Variants in METTL24 observed in about 807,000 individuals in gnomAD.
The protein encoded by METTL24 is methyltransferase like 24, also known as probable methyltransferase-like protein 24.
Under a neutral mutation model 32.7 loss-of-function variants are expected in METTL24, and 29 were observed. That is an observed-to-expected ratio of 0.89 (90% CI 0.66 to 1.21). METTL24 has a LOEUF of 1.21. Among genes scored for constraint, METTL24 ranks in the 50% most tolerant of loss-of-function variants. The pLI, the probability that METTL24 is intolerant of heterozygous loss-of-function variation, is 0.00. For missense variants in METTL24, 439 were observed against 468.1 expected, an observed-to-expected ratio of 0.94 and a Z score of 0.57; for synonymous variants, 163 against 179.5, an observed-to-expected ratio of 0.91 and a Z score of 0.73.
intron 1 of METTL24, among the ~76,000 whole-genome samples, chr6:110,347,052 G>C (rs1772490774): frequency 1.3e-5 from 2 of 151,998 alleles, no homozygotes; most frequent in South Asian, 4.1e-4. Flanking sequence ...CTTTATTGGT[G>C]CTATACATTG....
At chr6:110,296,118 C>T (rs931655998) in intron 4 of METTL24, among the ~76,000 whole-genome samples, 1 of 152,158 alleles carries the variant, frequency 6.6e-6, no homozygotes, top group Non-Finnish European at 1.5e-5. Context: ...CATAGAGAAA[C>T]CCTCAGGCAG....
intron 3 of METTL24, among the ~76,000 whole-genome samples, chr6:110,309,067 T>C (rs765096158): frequency 1.3e-5 from 2 of 152,200 alleles, no homozygotes; most frequent in Non-Finnish European, 2.9e-5. Flanking sequence ...AAAAGAGCCA[T>C]AGAACTGTAT....
At chr6:110,280,198 CA>C (rs1771113516) in intron 4 of METTL24, among the ~76,000 whole-genome samples, 1 of 152,144 alleles carries the variant, frequency 6.6e-6, no homozygotes, top group Non-Finnish European at 1.5e-5. Flanking sequence ...TTTGGGTGGA[CA>C]CACATATCCA....
At chr6:110,332,719 G>A (rs1772130239) in intron 1 of METTL24, among the ~76,000 whole-genome samples, 2 of 152,018 alleles carry the variant, frequency 1.3e-5, no homozygotes, top group African/African-American at 4.8e-5. Context: ...ACCAGCCTGG[G>A]CAACAAAGCA....
intron 4 of METTL24, among the ~76,000 whole-genome samples, chr6:110,262,922 C>T (rs995012985): frequency 1.3e-5 from 2 of 152,152 alleles, no homozygotes; most frequent in African/African-American, 2.4e-5. Flanking sequence ...TTCAACAGCC[C>T]TTCATGCTAA....
chr6:110,323,271 C>T (rs539372677), intron 1 of METTL24, among the ~76,000 whole-genome samples: 8 of 152,334 alleles, frequency 5.3e-5, no homozygotes, highest in Admixed American at 2.6e-4. Context: ...CTTAGAGCTT[C>T]AAGAATATGT....
intron 3 of METTL24, among the ~76,000 whole-genome samples, chr6:110,302,506 CATATACACACACAT>C (rs1771539590): frequency 8.3e-6 from 1 of 120,756 alleles, no homozygotes; most frequent in East Asian, 2.4e-4. Flanking sequence ...TATATATACA[CATATACACACACAT>C]ATGTGTATAT....
rs184224362 is a variant in METTL24 at position 110,262,424 on chromosome 6, T to C, written c.787-16164A>G. On this transcript the variant is annotated intron_variant, in intron 4 of 4. Coordinates refer to ENST00000338882, the MANE Select transcript of METTL24 (RefSeq NM_001123364.3). Reference sequence around the variant, plus strand: ...ATCCCAAGACTAAACCAAGAAGAAATTGAATCACTGAATAGACCAATAACA... The same window carrying C: ...ATCCCAAGACTAAACCAAGAAGAAACTGAATCACTGAATAGACCAATAACA... Among the ~76,000 whole-genome samples the C allele has an allele frequency of 3.5e-3, 540 of 152,136 alleles. 3 individuals carry two copies. Among genetic ancestry groups the C allele is most frequent in the Non-Finnish European group, 5.0e-3 (341 of 68,004 alleles).
intron 4 of METTL24, among the ~76,000 whole-genome samples, chr6:110,254,577 A>G (rs1778348651): frequency 6.6e-6 from 1 of 152,226 alleles, no homozygotes. Context: ...GGCTGCAGTG[A>G]GCCGAGATCA....
At chr6:110,317,112 T>C (rs1247243638) in intron 2 of METTL24, among the ~76,000 whole-genome samples, 2 of 152,190 alleles carry the variant, frequency 1.3e-5, no homozygotes, top group Non-Finnish European at 2.9e-5. Context: ...CTGGTAGGAT[T>C]TGGACATCTC....
At chr6:110,315,043 G>A (rs567911346) in intron 3 of METTL24, among the ~76,000 whole-genome samples, 81 of 151,420 alleles carry the variant, frequency 5.3e-4, no homozygotes, top group Non-Finnish European at 2.7e-4. Context: ...TACTAAGGAT[G>A]CTCTTAGTCT....
chr6:110,317,657 C>T (rs577669197), intron 2 of METTL24, among the ~76,000 whole-genome samples: 6 of 152,100 alleles, frequency 3.9e-5, no homozygotes, highest in South Asian at 2.1e-4. Context: ...TCTTTGTGTA[C>T]GTATCTCCCT....
rs1770853734 is a variant in METTL24 at position 110,266,114 on chromosome 6, A to G, written c.787-19854T>C. 2.6e-5 allele frequency among the ~76,000 whole-genome samples: 4 copies of G among 152,040 alleles called. 1 individual carries two copies. The South Asian group carries it at 8.3e-4, about 32-fold the overall frequency. On this transcript the variant is annotated intron_variant, in intron 4 of 4. Coordinates refer to ENST00000338882, the MANE Select transcript of METTL24 (RefSeq NM_001123364.3). ...GAGATGGGGTCTTATTATATTACCC[A>G]AGCTGGTCTTGAACTCCTGGCATCA...
Position 110,315,339 on chromosome 6 carries a change from C to G in METTL24, c.557+3G>C. On this transcript the variant is annotated splice_donor_region_variant and intron_variant, in intron 3 of 4. Transcript: ENST00000338882. Reference sequence around the variant, plus strand: ...TTCTTCTGCTGTAAAAAAATGTACTCACCCTAAGGAGTAGAGGCGGCACTG... The same window carrying G: ...TTCTTCTGCTGTAAAAAAATGTACTGACCCTAAGGAGTAGAGGCGGCACTG... 6.2e-7 allele frequency: 1 copy of G among 1,613,824 alleles called. No individual in the cohort carries two copies. Among genetic ancestry groups the G allele is most frequent in the African/African-American group, 1.3e-5 (1 of 75,034 alleles).
In METTL24 at chr6:110,246,070, T is replaced by C; in HGVS notation, c.977A>G (p.Gln326Arg). 14 of 1,614,242 alleles carry C rather than the reference T, an allele frequency of 8.7e-6. No individual in the cohort carries two copies. The highest frequency in any genetic ancestry group is 1.1e-5 in the South Asian group (1 of 91,086). The change falls in exon 5 of 5, where the codon CAA (glutamine) becomes CGA (arginine). Residue 326 changes from glutamine (Q) to arginine (R), a missense_variant. Transcript: ENST00000338882. ...FWYSLLKELE[Q>R]KDFRLFHSYK... ...ACTGTGAAAAAGCCTGAAATCCTTT[T>C]GTTCTAACTCTTTGAGAAGGCTGTA... is the stretch of plus-strand genomic sequence containing the variant.
intron 4 of METTL24, among the ~76,000 whole-genome samples, chr6:110,290,199 A>G (rs9487348): frequency 0.19 from 28,649 of 152,006 alleles, 6,443 homozygotes; most frequent in African/African-American, 0.54. Flanking sequence ...TTACAGGTGT[A>G]AGCCACCATG....
chr6:110,262,050 A>G (rs1260605616), intron 4 of METTL24, among the ~76,000 whole-genome samples: 2 of 152,224 alleles, frequency 1.3e-5, no homozygotes, highest in African/African-American at 4.8e-5. Flanking sequence ...CATCACAATT[A>G]AAAGAACTAG....
intron 4 of METTL24, among the ~76,000 whole-genome samples, chr6:110,255,481 G>C (rs1464035984): frequency 6.6e-6 from 1 of 152,106 alleles, no homozygotes; most frequent in Non-Finnish European, 1.5e-5. Context: ...CAGGAACCAA[G>C]CAGCACAAAC....
chr6:110,319,706 C>T (rs9688851), intron 2 of METTL24, among the ~76,000 whole-genome samples: 12,649 of 151,738 alleles, frequency 0.083, 1,379 homozygotes, highest in African/African-American at 0.25. Context: ...GTATCATGGT[C>T]TTTCACATTG....
Sources: gnomAD v4.1 joint callset for allele counts (sites outside exome capture counted in the v4.1 genomes callset) on GRCh38, gnomAD v4.1.1 for gene constraint, MANE v1.5 for transcripts, NCBI Gene and HGNC (gene_info 2026-07-23, HGNC 2026-07-21) for gene names.